DRG2: variants seen among roughly 807,000 people sequenced by gnomAD.
The protein encoded by DRG2 is developmentally-regulated GTP-binding protein 2.
DRG2 carries 36 observed loss-of-function variants against 53.4 expected under a neutral mutation model. The observed-to-expected ratio is 0.67, with a 90% CI of 0.52 to 0.89. DRG2 has a LOEUF of 0.89. Among genes scored for constraint, DRG2 ranks in the 40% least tolerant of loss-of-function variants. The pLI, the probability that DRG2 is intolerant of heterozygous loss-of-function variation, is 0.00. For synonymous variants in DRG2, 167 were observed against 192.1 expected (o/e 0.87, Z 1.08); for missense variants, 342 against 481.2 (o/e 0.71, Z 2.71).
intron 1 of DRG2, among the ~76,000 whole-genome samples, chr17:18,091,404 G>A (rs893468000): frequency 1.9e-4 from 29 of 152,100 alleles, no homozygotes; most frequent in Admixed American, 5.2e-4. Context: ...TGGGCGACAC[G>A]GTGAAACCCC....
At chr17:18,094,019 ATCTT>A in intron 2 of DRG2, 46 bp downstream of exon 2, 1 of 1,587,532 alleles carries the variant, frequency 6.3e-7, no homozygotes, top group Non-Finnish European at 8.6e-7. Flanking sequence ...GCAAGAAGTC[ATCTT>A]TCAAACAGGT....
At chr17:18,090,009 A>T (rs1175331655) in intron 1 of DRG2, among the ~76,000 whole-genome samples, 3 of 152,112 alleles carry the variant, frequency 2.0e-5, no homozygotes, top group Middle Eastern at 6.8e-3. Flanking sequence ...GTAATATTCC[A>T]TATTACCCAT....
chr17:18,092,018 A>T (rs574150607), intron 1 of DRG2: 1 of 152,312 alleles, frequency 6.6e-6, no homozygotes, highest in South Asian at 2.1e-4. Context: ...GCCCTCTGAG[A>T]CTGGGCAGGG....
chr17:18,095,035 C>T lies in DRG2; in HGVS notation c.225+1062C>T, dbSNP rs557580862. Among the ~76,000 whole-genome samples, 4 of 135,120 alleles carry T rather than the reference C, an allele frequency of 3.0e-5. 1 individual carries two copies. In the Admixed American group the frequency reaches 3.0e-4, roughly 10 times the overall value. 88.6% of individuals were successfully genotyped at this position (135,120 alleles called of 152,430 possible). ...TTCTTCTGGAAGTTGCTCTGTTTAGCGTATAATCTATATTGGTTTACTTTT... is the reference window on the plus strand; with the variant it reads ...TTCTTCTGGAAGTTGCTCTGTTTAGTGTATAATCTATATTGGTTTACTTTT... On this transcript the variant is annotated intron_variant, in intron 2 of 12. Transcript: ENST00000225729.
At position 18,099,165 on chromosome 17, in the gene DRG2, T is replaced by C; in HGVS notation, c.376+88T>C. 1 of 1,539,056 alleles carries C rather than the reference T, an allele frequency of 6.5e-7. No homozygotes were observed. The highest frequency in any genetic ancestry group is 1.1e-5 in the South Asian group (1 of 88,970). ...GGTGTGGCTGTCATGGAGATCACTC[T>C]GGATCCCTGGTCCATTATCCCGCTT... On this transcript the variant is annotated intron_variant, in intron 4 of 12. Coordinates refer to ENST00000225729, the MANE Select transcript of DRG2 (RefSeq NM_001388.5). The surrounding 1 kb of genome is among the most constrained non-coding windows in gnomAD (Gnocchi z 4.4).
chr17:18,090,726 G>A lies in DRG2; in HGVS notation c.64+2639G>A, dbSNP rs566280540. On this transcript the variant is annotated intron_variant, in intron 1 of 12. Coordinates refer to ENST00000225729, the MANE Select transcript of DRG2 (RefSeq NM_001388.5). ...ATTTTTATGTTTTTTGTAGAGGCAC[G>A]GTCTCACTATGTTGCCCAGGGTAGT... Among the ~76,000 whole-genome samples, 9 of 149,390 alleles carry A rather than the reference G, an allele frequency of 6.0e-5. No homozygotes were observed. The South Asian group carries it at 8.5e-4, about 14-fold the overall frequency.
In DRG2 at chr17:18,098,421, T is replaced by C; in HGVS notation, c.315+62T>C. 6.8e-7 allele frequency: 1 copy of C among 1,465,014 alleles called. No homozygotes were observed. Among genetic ancestry groups the C allele is most frequent in the Non-Finnish European group, 9.6e-7 (1 of 1,046,726 alleles). 90.8% of individuals were successfully genotyped at this position (1,465,014 alleles called of 1,614,324 possible). On this transcript the variant is annotated intron_variant, in intron 3 of 12. Coordinates refer to ENST00000225729, the MANE Select transcript of DRG2 (RefSeq NM_001388.5). This position sits in a 1 kb window ranked among gnomAD's most constrained non-coding sequence, Gnocchi z 4.1. ...GCATGCTTGTGTTTGGACTTGTGCC[T>C]GTGCCCACCCTGTGTGTGAGTCTGG... is the stretch of plus-strand genomic sequence containing the variant.
intron 9 of DRG2, among the ~76,000 whole-genome samples, 157 bp downstream of exon 9, chr17:18,102,154 C>T (rs996479508): frequency 3.9e-5 from 6 of 152,318 alleles, no homozygotes; most frequent in Non-Finnish European, 8.8e-5. Context: ...CTGCCCAGGG[C>T]AGAGCACTTT....
In DRG2 at chr17:18,100,562, C is replaced by T. The variant is rs765208015; in HGVS notation, c.541-7C>T. 6.2e-7 allele frequency: 1 copy of T among 1,614,204 alleles called. No individual in the cohort carries two copies. The highest frequency in any genetic ancestry group is 2.2e-5 in the East Asian group (1 of 44,880). On this transcript the variant is annotated splice_region_variant and splice_polypyrimidine_tract_variant and intron_variant, in intron 6 of 12. Transcript: ENST00000225729. This position sits in a 1 kb window ranked among gnomAD's most constrained non-coding sequence, Gnocchi z 4.1. ...GCAGTTCTCCCCATCCCTTTCTCCT[C>T]TTTCAGCCCAAGAAAGGTGGTGGCA... is the stretch of plus-strand genomic sequence containing the variant.
chr17:18,096,987 G>C (rs2045444666), intron 2 of DRG2: 1 of 152,216 alleles, frequency 6.6e-6, no homozygotes, highest in South Asian at 2.1e-4. Flanking sequence ...ATCAGAGAGA[G>C]AGAGATTGAT....
chr17:18,097,262 C>G (rs73979265), intron 2 of DRG2: 114 of 152,392 alleles, frequency 7.5e-4, no homozygotes, highest in African/African-American at 2.7e-3. Context: ...ATCCCCAAGG[C>G]TGAGGGTTTC....
In DRG2 at chr17:18,103,906, G is replaced by T. The variant is rs564468918; in HGVS notation, c.895+17G>T. ...AGAGAGGACGTGAGTTGCACTGCGC[G>T]TAGCTGAAAAACAGGCTGAGCTTCA... On this transcript the variant is annotated intron_variant, in intron 10 of 12. Transcript: ENST00000225729. The surrounding 1 kb of genome is among the most constrained non-coding windows in gnomAD (Gnocchi z 4.4). The T allele has an allele frequency of 9.3e-6, 15 of 1,612,460 alleles. No homozygotes were observed. The East Asian group carries it at 3.3e-4, about 36-fold the overall frequency.
intron 10 of DRG2, among the ~76,000 whole-genome samples, chr17:18,104,220 C>G (rs1383339838): frequency 6.6e-6 from 1 of 152,208 alleles, no homozygotes; most frequent in Non-Finnish European, 1.5e-5. Context: ...CTGGTGCGCA[C>G]ACACACATGC....
chr17:18,097,303 C>T (rs1194685198), intron 2 of DRG2: 1 of 152,256 alleles, frequency 6.6e-6, no homozygotes, highest in East Asian at 1.9e-4. Flanking sequence ...ATTTCCATCA[C>T]ATGCCACATT....
intron 11 of DRG2, among the ~76,000 whole-genome samples, chr17:18,104,978 C>A (rs1480379768): frequency 6.6e-6 from 1 of 152,198 alleles, no homozygotes; most frequent in Non-Finnish European, 1.5e-5. Context: ...CCTGGCTTTG[C>A]AGAGATGCCA....
chr17:18,106,557 G>A, intron 12 of DRG2, 71 bp downstream of exon 12: 1 of 1,534,720 alleles, frequency 6.5e-7, no homozygotes, highest in South Asian at 1.1e-5. Context: ...ATGAAGCAAG[G>A]CATTCACACT....
At chr17:18,106,235 G>T in intron 11 of DRG2, 198 bp from the exon 12 acceptor site, 1 of 604,426 alleles carries the variant, frequency 1.7e-6, no homozygotes, top group Non-Finnish European at 3.0e-6. Context: ...GGAATGGCAG[G>T]GCCACCTGCA....
At position 18,099,245 on chromosome 17, in the gene DRG2, C is replaced by A. The variant is rs545593763; in HGVS notation, c.376+168C>A. On this transcript the variant is annotated intron_variant, in intron 4 of 12. Coordinates refer to ENST00000225729, the MANE Select transcript of DRG2 (RefSeq NM_001388.5). This position sits in a 1 kb window ranked among gnomAD's most constrained non-coding sequence, Gnocchi z 4.4. ...CTTGGCACCAAACTAGCCTTGTGAT[C>A]TTGGGCAAGTGATTGGGTATCTCTA... 1 of 834,948 alleles carries A rather than the reference C, an allele frequency of 1.2e-6. No homozygotes were observed. The highest frequency in any genetic ancestry group is 1.9e-6 in the Non-Finnish European group (1 of 539,208). The allele number at this position is 834,948 out of a possible 1,614,324, so 51.7% of individuals were successfully genotyped here.
chr17:18,102,049 C>T lies in DRG2; in HGVS notation c.806+52C>T, dbSNP rs1353469291. ...TGCTGTCCTTGCTGTGGGTTCTGAC[C>T]CCAGTCGTCAGGCCTCCCAGCCACT... On this transcript the variant is annotated intron_variant, in intron 9 of 12. Coordinates refer to ENST00000225729, the MANE Select transcript of DRG2 (RefSeq NM_001388.5). The T allele has an allele frequency of 3.2e-6, 5 of 1,566,728 alleles. No individual in the cohort carries two copies. In the African/African-American group the frequency reaches 4.1e-5, roughly 13 times the overall value.
Sources: allele counts gnomAD v4.1 joint callset (sites outside exome capture counted in the v4.1 genomes callset), GRCh38; gene constraint gnomAD v4.1.1; non-coding constraint Gnocchi (gnomAD v3.1); transcripts MANE v1.5; gene names NCBI Gene and HGNC (gene_info 2026-07-23, HGNC 2026-07-21).